The following NKAIN2 variants were observed in gnomAD, a reference collection of about 807,000 sequenced individuals.
NKAIN2 encodes sodium/potassium transporting ATPase interacting 2.
In NKAIN2, 14 loss-of-function variants were observed where a neutral mutation model predicts 32.6. The ratio of observed to expected loss-of-function variants is 0.43; its 90% confidence interval spans 0.28 to 0.67. NKAIN2 has a LOEUF of 0.67. Among genes scored for constraint, NKAIN2 ranks in the 30% least tolerant of loss-of-function variants. The pLI, the probability that NKAIN2 is intolerant of heterozygous loss-of-function variation, is 0.17. For synonymous variants in NKAIN2, 80 were observed against 87.2 expected (o/e 0.92, Z 0.46); for missense variants, 198 against 258.3 (o/e 0.77, Z 1.60).
At chr6:124,261,617 T>A (rs576993628) in intron 1 of NKAIN2, among the ~76,000 whole-genome samples, 16 of 152,268 alleles carry the variant, frequency 1.1e-4, no homozygotes, top group African/African-American at 3.8e-4. Context: ...TCCTAGCACT[T>A]TGGGGGCCAA....
chr6:123,887,564 C>A (rs1175869232), intron 1 of NKAIN2, among the ~76,000 whole-genome samples: 1 of 152,078 alleles, frequency 6.6e-6, no homozygotes, highest in African/African-American at 2.4e-5. Context: ...CCTTCAGTTC[C>A]TGCACACCCA....
chr6:124,579,870 A>G (rs886163017), intron 3 of NKAIN2, among the ~76,000 whole-genome samples: 1 of 152,246 alleles, frequency 6.6e-6, no homozygotes, highest in African/African-American at 2.4e-5. Context: ...GCGCTCCAAT[A>G]CATCTGGCAG....
chr6:124,060,607 T>G (rs1448961386), intron 1 of NKAIN2, among the ~76,000 whole-genome samples: 3 of 152,164 alleles, frequency 2.0e-5, no homozygotes, highest in African/African-American at 4.8e-5. Flanking sequence ...AAGTTATGTC[T>G]GCCATGTTTA....
chr6:124,815,088 A>C (rs1335869335), intron 5 of NKAIN2, among the ~76,000 whole-genome samples: 1 of 151,744 alleles, frequency 6.6e-6, no homozygotes. Context: ...AGCTCAGAGC[A>C]GTGAAGCTCT....
At chr6:123,863,995 A>T (rs1348652594) in intron 1 of NKAIN2, among the ~76,000 whole-genome samples, 1 of 152,238 alleles carries the variant, frequency 6.6e-6, no homozygotes, top group Non-Finnish European at 1.5e-5. Flanking sequence ...TATAAAGATC[A>T]AAATAATCAA....
chr6:124,205,276 G>A (rs945793278), intron 1 of NKAIN2, among the ~76,000 whole-genome samples: 1 of 151,836 alleles, frequency 6.6e-6, no homozygotes, highest in Non-Finnish European at 1.5e-5. Context: ...GCTTCTACAC[G>A]AATTTTCCAA....
chr6:124,091,644 C>T (rs1458485752), intron 1 of NKAIN2, among the ~76,000 whole-genome samples: 1 of 151,818 alleles, frequency 6.6e-6, no homozygotes, highest in African/African-American at 2.4e-5. Flanking sequence ...TACTGAGGAG[C>T]ACCTGGTCAA....
At chr6:123,833,726 TTTC>T (rs1774486677) in intron 1 of NKAIN2, among the ~76,000 whole-genome samples, 1 of 150,124 alleles carries the variant, frequency 6.7e-6, no homozygotes, top group Non-Finnish European at 1.5e-5. Flanking sequence ...TGTGTGTGTG[TTTC>T]CTGTGGATTT....
chr6:123,938,396 TTATATATATATA>T (rs71021471), intron 1 of NKAIN2, among the ~76,000 whole-genome samples: 2,490 of 52,304 alleles, frequency 0.048, 72 homozygotes, highest in Non-Finnish European at 0.059. Context: ...TTTGCAAGGG[TTATATATATATA>T]TATATATATA....
chr6:124,535,792 G>A (rs1049656755), intron 3 of NKAIN2, among the ~76,000 whole-genome samples: 2 of 152,218 alleles, frequency 1.3e-5, no homozygotes, highest in Non-Finnish European at 2.9e-5. Flanking sequence ...ACTGACAGCA[G>A]CCTGTAAGTT....
At chr6:124,629,697 T>C (rs1194065030) in intron 3 of NKAIN2, among the ~76,000 whole-genome samples, 1 of 152,192 alleles carries the variant, frequency 6.6e-6, no homozygotes, top group Non-Finnish European at 1.5e-5. Context: ...AATGTAGAGA[T>C]ACTATAAAAA....
rs981957313 is a variant in NKAIN2, at chr6:124,729,813, T to C, written c.475-61526T>C. On this transcript the variant is annotated intron_variant, in intron 4 of 6. Coordinates refer to ENST00000368417, the MANE Select transcript of NKAIN2 (RefSeq NM_001040214.3). ...ATGATTGTATATCTAGAAAACCCCA[T>C]TGTCTCAGCCTAAAATCTCCTTAAG... 1.2e-3 allele frequency among the ~76,000 whole-genome samples: 182 copies of C among 151,998 alleles called. 4 individuals carry two copies. Among genetic ancestry groups the C allele is most frequent in the South Asian group, 4.2e-4 (2 of 4,812 alleles).
intron 1 of NKAIN2, among the ~76,000 whole-genome samples, chr6:124,035,097 T>G (rs898608897): frequency 6.6e-6 from 1 of 152,102 alleles, no homozygotes; most frequent in African/African-American, 2.4e-5. Context: ...TGTATAATTA[T>G]TTTAGTATAC....
intron 1 of NKAIN2, among the ~76,000 whole-genome samples, chr6:124,092,972 G>T (rs1784497508): frequency 6.6e-6 from 1 of 151,840 alleles, no homozygotes; most frequent in African/African-American, 2.4e-5. Flanking sequence ...GCATCATTTT[G>T]TTTTCTTTTA....
intron 1 of NKAIN2, among the ~76,000 whole-genome samples, chr6:124,111,882 A>G (rs1434477552): frequency 6.6e-6 from 1 of 151,880 alleles, no homozygotes. Context: ...TGCTACTTAC[A>G]TAAAATATCT....
intron 1 of NKAIN2, among the ~76,000 whole-genome samples, chr6:124,078,168 A>G (rs1783784165): frequency 6.6e-6 from 1 of 152,144 alleles, no homozygotes; most frequent in Non-Finnish European, 1.5e-5. Context: ...GAAGGTGTGA[A>G]TTAATAAAAT....
chr6:123,810,400 T>C (rs1407020654), intron 1 of NKAIN2, among the ~76,000 whole-genome samples: 2 of 151,980 alleles, frequency 1.3e-5, no homozygotes, highest in Non-Finnish European at 2.9e-5. Flanking sequence ...AGAGGTGGGG[T>C]TGATTGATGT....
intron 3 of NKAIN2, among the ~76,000 whole-genome samples, chr6:124,459,618 G>A (rs917668474): frequency 4.6e-5 from 7 of 151,764 alleles, no homozygotes; most frequent in Non-Finnish European, 7.4e-5. Flanking sequence ...TATGATCCGT[G>A]TTTTAATTCT....
chr6:124,166,077 C>A (rs1311692248), intron 1 of NKAIN2, among the ~76,000 whole-genome samples: 1 of 120,404 alleles, frequency 8.3e-6, no homozygotes, highest in Non-Finnish European at 1.7e-5. Flanking sequence ...TTCTAGATCC[C>A]TGAGGAATCG....
Sources: gnomAD v4.1 joint callset for allele counts (sites outside exome capture counted in the v4.1 genomes callset) on GRCh38, gnomAD v4.1.1 for gene constraint, MANE v1.5 for transcripts, NCBI Gene and HGNC (gene_info 2026-07-23, HGNC 2026-07-21) for gene names.